The following MOB1B variants were observed in gnomAD, a reference collection of about 807,000 sequenced individuals.
The protein encoded by MOB1B is MOB kinase activator 1B, also known as MOB1 Mps One Binder homolog B.
Under a neutral mutation model 24.4 loss-of-function variants are expected in MOB1B, and 19 were observed. The ratio of observed to expected loss-of-function variants is 0.78; its 90% confidence interval spans 0.54 to 1.14. The LOEUF is 1.14. Ranked by LOEUF, MOB1B falls within the 50% of genes most tolerant of loss-of-function variation. MOB1B has a pLI of 0.00. For synonymous variants in MOB1B, 76 were observed against 82.1 expected (o/e 0.93, Z 0.40); for missense variants, 243 against 259.6 (o/e 0.94, Z 0.44).
At chr4:70,952,159 T>A (rs2148890381) in intron 1 of MOB1B, among the ~76,000 whole-genome samples, 1 of 152,260 alleles carries the variant, frequency 6.6e-6, no homozygotes, top group African/African-American at 2.4e-5. Flanking sequence ...TGGTAGCAGA[T>A]GACTGGAGGA....
intron 4 of MOB1B, among the ~76,000 whole-genome samples, chr4:70,977,208 A>G (rs1739043004): frequency 6.6e-6 from 1 of 152,138 alleles, no homozygotes; most frequent in Admixed American, 6.5e-5. Context: ...GAAATCTTTT[A>G]TATTTGTTTT....
intron 1 of MOB1B, among the ~76,000 whole-genome samples, chr4:70,937,086 T>G (rs1043463470): frequency 1.3e-5 from 2 of 152,000 alleles, no homozygotes; most frequent in African/African-American, 4.8e-5. Flanking sequence ...CCTCTCTAAT[T>G]TTTGTATTTT....
At chr4:70,977,099 G>C (rs1364747180) in intron 4 of MOB1B, among the ~76,000 whole-genome samples, 1 of 151,816 alleles carries the variant, frequency 6.6e-6, no homozygotes, top group Non-Finnish European at 1.5e-5. Context: ...AAAAAAATCA[G>C]TACAGATATC....
chr4:70,913,263 T>C (rs771973091), intron 1 of MOB1B, among the ~76,000 whole-genome samples: 1 of 119,050 alleles, frequency 8.4e-6, no homozygotes, highest in South Asian at 2.7e-4. Context: ...TGTATGGGTA[T>C]GTATGTATGT....
intron 5 of MOB1B, 117 bp from the exon 6 acceptor site, chr4:70,981,863 C>A (rs1271329739): frequency 1.5e-6 from 1 of 668,814 alleles, no homozygotes; most frequent in African/African-American, 1.8e-5. Context: ...AAAAAATAAT[C>A]TACTTTTATG....
upstream of MOB1B, chr4:70,902,294 C>T: frequency 1.7e-6 from 1 of 594,552 alleles, no homozygotes; most frequent in Non-Finnish European, 3.0e-6. Context: ...GAGAGCCTGC[C>T]CCGCCTCCCT....
At chr4:70,975,413 T>C in intron 4 of MOB1B, 127 bp downstream of exon 4, 1 of 1,404,830 alleles carries the variant, frequency 7.1e-7, no homozygotes. Context: ...TATGTATATG[T>C]TACGCAGTTC....
In MOB1B at chr4:70,910,502, A is replaced by C. The variant is rs916531947; in HGVS notation, c.14+7952A>C. On this transcript the variant is annotated intron_variant, in intron 1 of 5. Transcript: ENST00000309395. ...ATTTTTTTCTTAAAGGTGATATTCA[A>C]GTGGGCCTTGTTATTAAGGGAAGTC... Among the ~76,000 whole-genome samples the C allele has an allele frequency of 2.0e-5, 3 of 151,702 alleles. No homozygotes were observed. In the South Asian group the frequency reaches 6.2e-4, roughly 32 times the overall value.
intron 1 of MOB1B, among the ~76,000 whole-genome samples, chr4:70,919,331 C>G (rs1736330421): frequency 6.6e-6 from 1 of 150,638 alleles, no homozygotes; most frequent in Non-Finnish European, 1.5e-5. Context: ...AAAAAAAAGA[C>G]AATTTTGAAA....
At chr4:70,943,945 ATAT>A (rs1737460084) in intron 1 of MOB1B, among the ~76,000 whole-genome samples, 1 of 152,244 alleles carries the variant, frequency 6.6e-6, no homozygotes, top group Non-Finnish European at 1.5e-5. Flanking sequence ...GTCAAAATGA[ATAT>A]TTAGAATGAA....
intron 1 of MOB1B, among the ~76,000 whole-genome samples, chr4:70,953,385 A>G (rs550369763): frequency 3.3e-5 from 5 of 152,328 alleles, no homozygotes; most frequent in Admixed American, 6.5e-5. Context: ...TTTTAAAAGT[A>G]TTACGTGGTT....
intron 2 of MOB1B, among the ~76,000 whole-genome samples, chr4:70,964,682 C>T (rs1385346876): frequency 6.6e-6 from 1 of 152,170 alleles, no homozygotes; most frequent in African/African-American, 2.4e-5. Flanking sequence ...GTAATCCCAG[C>T]ACTTTGGGAG....
intron 1 of MOB1B, among the ~76,000 whole-genome samples, chr4:70,947,065 T>G (rs1737614398): frequency 6.6e-6 from 1 of 152,194 alleles, no homozygotes; most frequent in Non-Finnish European, 1.5e-5. Flanking sequence ...AGTTTTTTCA[T>G]TTTAAACTTA....
At chr4:70,975,452 C>G in intron 4 of MOB1B, 166 bp downstream of exon 4, 1 of 1,330,424 alleles carries the variant, frequency 7.5e-7, no homozygotes, top group Non-Finnish European at 9.6e-7. Flanking sequence ...GTTTGTTAAC[C>G]CAGTGGTAAA....
rs1478403627 is a variant in MOB1B at position 70,983,370 on chromosome 4, T to C, written c.*1313T>C. On this transcript the variant is annotated 3_prime_UTR_variant, in exon 6 of 6. Coordinates refer to ENST00000309395, the MANE Select transcript of MOB1B (RefSeq NM_173468.4). The stretch of plus-strand genomic sequence containing the variant: ...AGCAGTATTAGATAATGAAAAATGC[T>C]AATTCAGTAGTTATTAACTTCTAAA... The C allele has an allele frequency of 6.6e-6, 1 of 152,608 alleles. No individual in the cohort carries two copies. Among genetic ancestry groups the C allele is most frequent in the Non-Finnish European group, 1.5e-5 (1 of 68,002 alleles). 9.5% of individuals were successfully genotyped at this position (152,608 alleles called of 1,614,324 possible).
intron 1 of MOB1B, among the ~76,000 whole-genome samples, chr4:70,956,863 G>GA (rs1054565046): frequency 6.6e-6 from 1 of 152,142 alleles, no homozygotes; most frequent in Non-Finnish European, 1.5e-5. Flanking sequence ...ACTTTAGAAT[G>GA]AAAAATACCT....
At chr4:70,945,337 C>T (rs1036826395) in intron 1 of MOB1B, among the ~76,000 whole-genome samples, 2 of 152,082 alleles carry the variant, frequency 1.3e-5, no homozygotes, top group Non-Finnish European at 2.9e-5. Flanking sequence ...GGATTGCTTT[C>T]GTGATTTTTG....
At position 70,982,113 on chromosome 4, in the gene MOB1B, G is replaced by C. The variant is rs557634029; in HGVS notation, c.*56G>C. The C allele has an allele frequency of 2.1e-4, 270 of 1,315,738 alleles. No individual in the cohort carries two copies. In the African/African-American group the frequency reaches 3.7e-3, roughly 18 times the overall value. The allele number at this position is 1,315,738 out of a possible 1,614,324, so 81.5% of individuals were successfully genotyped here. ...AAATGAAGCAGTGTGGAGTGTATTG[G>C]GGATTTTGTTATATTTTGTTTTTAT... On this transcript the variant is annotated 3_prime_UTR_variant, in exon 6 of 6. Coordinates refer to ENST00000309395, the MANE Select transcript of MOB1B (RefSeq NM_173468.4).
At chr4:70,939,300 CA>C (rs1293485524) in intron 1 of MOB1B, among the ~76,000 whole-genome samples, 10 of 152,068 alleles carry the variant, frequency 6.6e-5, no homozygotes, top group African/African-American at 2.4e-4. Flanking sequence ...ATCATAATCT[CA>C]TAGAAATAAA....
Sources: gnomAD v4.1 joint callset for allele counts (sites outside exome capture counted in the v4.1 genomes callset) on GRCh38, gnomAD v4.1.1 for gene constraint, MANE v1.5 for transcripts, NCBI Gene and HGNC (gene_info 2026-07-23, HGNC 2026-07-21) for gene names.